Variants in PKD1L1 observed in about 807,000 individuals in gnomAD.
PKD1L1 encodes the protein polycystin-1-like protein 1.
A neutral mutation model predicts 323.4 loss-of-function variants in PKD1L1; 236 were observed. The observed-to-expected ratio is 0.73, with a 90% confidence interval of 0.66 to 0.81. The LOEUF (loss-of-function observed/expected upper bound fraction) is 0.81, where lower values mean the gene tolerates loss of function less well. Ranked by LOEUF, PKD1L1 falls within the 40% of genes least tolerant of loss-of-function variation. The pLI is 0.00. For missense variants in PKD1L1, 3,320 were observed against 3,508.0 expected (o/e 0.95, Z 1.35); for synonymous variants, 1,344 against 1,335.0 (o/e 1.01, Z -0.15).
chr7:47,925,130 G>GA (rs987727690), intron 7 of PKD1L1, among the ~76,000 whole-genome samples: 20 of 147,956 alleles, frequency 1.4e-4, no homozygotes, highest in Admixed American at 2.0e-4. Context: ...GGACAAAATG[G>GA]AAAAAAAAAG....
upstream of PKD1L1, among the ~76,000 whole-genome samples, chr7:47,951,472 CCA>C (rs1481811044): frequency 1.3e-5 from 2 of 152,204 alleles, no homozygotes; most frequent in African/African-American, 4.8e-5. Flanking sequence ...CTGCCTTACT[CCA>C]CAGACTTAAG....
At position 47,932,458 on chromosome 7, in the gene PKD1L1, G is replaced by A. The variant is rs116366534; in HGVS notation, c.399-402C>T. ...AGGGGGCACCGCGGAAGGCCTGGTGGTAACTACTTGCTTATTCCGAGTGCA... is the reference window on the plus strand; with the variant it reads ...AGGGGGCACCGCGGAAGGCCTGGTGATAACTACTTGCTTATTCCGAGTGCA... On this transcript the variant is annotated intron_variant, in intron 4 of 56. Coordinates refer to ENST00000289672, the MANE Select transcript of PKD1L1 (RefSeq NM_138295.5). 3.2e-3 allele frequency among the ~76,000 whole-genome samples: 480 copies of A among 152,350 alleles called. 2 individuals are homozygous for A. Among genetic ancestry groups the A allele is most frequent in the African/African-American group, 0.011 (454 of 41,582 alleles).
Position 47,936,916 on chromosome 7 carries a change from T to C in PKD1L1, c.328A>G (p.Asn110Asp), listed in dbSNP as rs1046660496. The C allele has an allele frequency of 2.5e-6, 4 of 1,613,692 alleles. No individual in the cohort carries two copies. In the East Asian group the frequency reaches 8.9e-5, roughly 36 times the overall value. The change falls in exon 4 of 57, where the codon AAT (asparagine) becomes GAT (aspartate). Residue 110 changes from asparagine to aspartate, a missense_variant. Asn to Asp is a conservative substitution (Grantham distance 23, BLOSUM62 1). Transcript: ENST00000289672. ...TTSEAALSVV[N>D]EKTQAVVNEK... is the part of the protein sequence containing the mutation. ...TTAACAACAGCCTGTGTTTTTTCATTAACAACACTTAACGCTGCTTCACTA... is the reference window on the plus strand; with the variant it reads ...TTAACAACAGCCTGTGTTTTTTCATCAACAACACTTAACGCTGCTTCACTA...
intron 12 of PKD1L1, among the ~76,000 whole-genome samples, chr7:47,903,657 C>A (rs141645266): frequency 6.6e-6 from 1 of 152,312 alleles, no homozygotes; most frequent in East Asian, 1.9e-4. Flanking sequence ...ACTGCCTACA[C>A]GAACCTCATT....
chr7:47,882,282 TTCCC>T (rs67299719), intron 19 of PKD1L1, among the ~76,000 whole-genome samples, 197 bp from the exon 20 acceptor site: 181 of 146,408 alleles, frequency 1.2e-3, no homozygotes, highest in Non-Finnish European at 2.1e-3. Flanking sequence ...CAAAGGCATC[TTCCC>T]TCCCTCCCTC....
At chr7:47,816,008 C>T (rs912714706) in intron 46 of PKD1L1, among the ~76,000 whole-genome samples, 2 of 152,090 alleles carry the variant, frequency 1.3e-5, no homozygotes, top group African/African-American at 2.4e-5. Context: ...GCAGAGGGGA[C>T]GGCGAGGGCT....
intron 23 of PKD1L1, 75 bp downstream of exon 23, chr7:47,876,022 T>G (rs1339569610): frequency 6.5e-7 from 1 of 1,529,416 alleles, no homozygotes; most frequent in South Asian, 1.3e-5. Context: ...ACAGTTTAGT[T>G]TTTGAAAACC....
In PKD1L1 at chr7:47,904,587, C is replaced by T; in HGVS notation, c.1722G>A (p.Arg574=). Residue 574 remains arginine (R), a synonymous_variant, in exon 12 of 57, where the codon AGG becomes AGA. Transcript: ENST00000289672. ...GGGGCTCAGAGACCACACTGCTCAT[C>T]CTGTTGGAAGCCTTAACCATCACAC... ...WYRVMVKASN[R]MSSVVSEPHV... is the part of the protein sequence containing the mutation. 6.2e-7 allele frequency: 1 copy of T among 1,613,904 alleles called. No homozygotes were observed. Among genetic ancestry groups the T allele is most frequent in the Non-Finnish European group, 8.5e-7 (1 of 1,179,864 alleles).
chr7:47,829,926 G>T, intron 43 of PKD1L1, 114 bp downstream of exon 43: 1 of 1,001,404 alleles, frequency 1.0e-6, no homozygotes, highest in Non-Finnish European at 1.5e-6. Context: ...AACCACAGCT[G>T]AAATCAGGGT....
chr7:47,851,853 G>T (rs1441423712), intron 31 of PKD1L1, among the ~76,000 whole-genome samples: 1 of 152,090 alleles, frequency 6.6e-6, no homozygotes, highest in Non-Finnish European at 1.5e-5. Context: ...CAAAAATTGG[G>T]AGGGTGTTGT....
At chr7:47,809,923 A>G (rs1784859085) in intron 50 of PKD1L1, among the ~76,000 whole-genome samples, 1 of 152,192 alleles carries the variant, frequency 6.6e-6, no homozygotes, top group Non-Finnish European at 1.5e-5. Context: ...TGCTCAAAAG[A>G]GTGAGTTTCT....
At chr7:47,855,870 C>A (rs1197628415) in intron 28 of PKD1L1, among the ~76,000 whole-genome samples, 7 of 40,992 alleles carry the variant, frequency 1.7e-4, no homozygotes, top group African/African-American at 3.5e-4. Context: ...AGCGAGACTC[C>A]GTCTCAAAAA....
chr7:47,929,349 A>G lies in PKD1L1; in HGVS notation c.915T>C (p.Pro305=), dbSNP rs2128755309. The change falls in exon 7 of 57, where the codon CCT becomes CCC. Residue 305 remains proline (P), a synonymous_variant. Transcript: ENST00000289672. The stretch of plus-strand genomic sequence containing the variant: ...TATGAACACGGAATCCCAGATTTGG[A>G]GGTGCCCGAGCTTCCACTTCCAGGG... ...NCSLEVEARA[P]PNLGFRVHMA... is the part of the protein sequence containing the mutation. 1 of 1,614,172 alleles carries G rather than the reference A, an allele frequency of 6.2e-7. No individual in the cohort carries two copies. Among genetic ancestry groups the G allele is most frequent in the South Asian group, 1.1e-5 (1 of 91,078 alleles).
rs764245366 is a variant in PKD1L1, at chr7:47,882,002, A to G, written c.3349T>C (p.Ser1117Pro). ...GGCTCGGCTCTGCCTGCAGACAGGG[A>G]GGGGTCCACCAGGTTATCCCCATCT... ...PGDGDNLVDP[S>P]LSAGRAEPVL... Residue 1117 changes from serine (S) to proline (P), a missense_variant, in exon 20 of 57, where the codon TCC becomes CCC. Transcript: ENST00000289672. 1.2e-6 allele frequency: 2 copies of G among 1,614,024 alleles called. No homozygotes were observed.
chr7:47,877,329 C>A (rs976925928), intron 22 of PKD1L1, among the ~76,000 whole-genome samples, 160 bp downstream of exon 22: 1 of 152,166 alleles, frequency 6.6e-6, no homozygotes, highest in Non-Finnish European at 1.5e-5. Flanking sequence ...TGGGGAAGCC[C>A]ATTCATGCCT....
In PKD1L1 at chr7:47,854,974, A is replaced by G; in HGVS notation, c.4767T>C (p.Thr1589=). Residue 1589 remains threonine (T), a synonymous_variant, in exon 30 of 57, where the codon ACT becomes ACC. Coordinates refer to ENST00000289672, the MANE Select transcript of PKD1L1 (RefSeq NM_138295.5). ...ATTCCTGGGGGTTTTCGGAAAGCTC[A>G]GTGAACTGATGGAGATTCACTTTAT... ...LRDKVNLHQF[T]ELSENPQESL... 4 of 1,614,170 alleles carry G rather than the reference A, an allele frequency of 2.5e-6. No homozygotes were observed. The highest frequency in any genetic ancestry group is 3.4e-6 in the Non-Finnish European group (4 of 1,180,026).
chr7:47,904,807 T>C (rs986184111), intron 11 of PKD1L1, among the ~76,000 whole-genome samples, 190 bp from the exon 12 acceptor site: 3 of 152,182 alleles, frequency 2.0e-5, no homozygotes, highest in Admixed American at 1.3e-4. Context: ...TATTTTTGAC[T>C]ACCCCCCTCT....
At chr7:47,889,657 G>A (rs1786765489) in intron 16 of PKD1L1, among the ~76,000 whole-genome samples, 1 of 152,082 alleles carries the variant, frequency 6.6e-6, no homozygotes, top group Non-Finnish European at 1.5e-5. Flanking sequence ...CCTCCTCCAG[G>A]AAGCCTTCCC....
At chr7:47,915,406 G>T in intron 8 of PKD1L1, 26 bp downstream of exon 8, 1 of 801,318 alleles carries the variant, frequency 1.2e-6, no homozygotes, top group Non-Finnish European at 2.3e-6. Context: ...ACTCCTTGTG[G>T]CCTCTTTTTG....
Sources: allele counts gnomAD v4.1 joint callset (sites outside exome capture counted in the v4.1 genomes callset), GRCh38; gene constraint gnomAD v4.1.1; transcripts MANE v1.5; gene names NCBI Gene and HGNC (gene_info 2026-07-23, HGNC 2026-07-21).